The following KCNAB1 variants were observed in gnomAD, a reference collection of about 807,000 sequenced individuals.
KCNAB1 encodes the protein potassium voltage-gated channel subfamily A regulatory beta subunit 1, also known as voltage-gated potassium channel subunit beta-1.
A neutral mutation model predicts 64.6 loss-of-function variants in KCNAB1; 35 were observed. That is an observed-to-expected ratio of 0.54 (90% confidence interval 0.41 to 0.72). KCNAB1 has a LOEUF of 0.72. Among genes scored for constraint, KCNAB1 ranks in the 30% least tolerant of loss-of-function variants. The pLI is 0.00. For missense variants in KCNAB1, 401 were observed against 512.9 expected, an observed-to-expected ratio of 0.78 and a Z score of 2.11; for synonymous variants, 177 against 183.8, an observed-to-expected ratio of 0.96 and a Z score of 0.30.
At chr3:156,295,734 GATT>G (rs1487484552) in intron 1 of KCNAB1, among the ~76,000 whole-genome samples, 5 of 151,932 alleles carry the variant, frequency 3.3e-5, no homozygotes, top group South Asian at 4.2e-4. Context: ...TTCCAATACA[GATT>G]ATTTGTATAT....
chr3:156,523,921 G>A lies in KCNAB1; in HGVS notation c.1055G>A (p.Gly352Glu). Residue 352 changes from glycine (G) to glutamate (E), a missense_variant, in exon 12 of 14, where the codon GGA becomes GAA. Coordinates refer to ENST00000490337, the MANE Select transcript of KCNAB1 (RefSeq NM_172160.3). ...KDLSPIAERL[G>E]CTLPQLAVAW... ...CTTTCCCCAATTGCGGAGCGTCTGG[G>A]ATGCACACTACCTCAGCTAGCTGTT... is the stretch of plus-strand genomic sequence containing the variant. The A allele has an allele frequency of 6.2e-7, 1 of 1,614,054 alleles. No homozygotes were observed. The highest frequency in any genetic ancestry group is 1.7e-5 in the Admixed American group (1 of 60,006).
At chr3:156,176,204 C>T (rs1396268843) in intron 1 of KCNAB1, 1 of 778,050 alleles carries the variant, frequency 1.3e-6, no homozygotes. Flanking sequence ...AAGGTCAGGC[C>T]AGTCACTGAA....
chr3:156,387,642 G>A (rs535619443), intron 1 of KCNAB1, among the ~76,000 whole-genome samples: 1 of 152,268 alleles, frequency 6.6e-6, no homozygotes, highest in Admixed American at 6.5e-5. Flanking sequence ...TTACTAGACA[G>A]ATCTGTATTC....
intron 1 of KCNAB1, among the ~76,000 whole-genome samples, chr3:156,149,714 T>C (rs898165471): frequency 1.3e-5 from 2 of 152,216 alleles, no homozygotes; most frequent in Non-Finnish European, 2.9e-5. Flanking sequence ...ATATAGTGGA[T>C]ACCCAGGAAA....
In KCNAB1 at chr3:156,312,383, G is replaced by A. The variant is rs1721967028; in HGVS notation, c.276-109233G>A. On this transcript the variant is annotated intron_variant, in intron 1 of 13. Transcript: ENST00000490337. ...TTCCAGTAAGAAGGAGACTTTTCAT[G>A]TGCTAAAACCAACAAAATTTCCCCA... 2.6e-5 allele frequency among the ~76,000 whole-genome samples: 4 copies of A among 152,148 alleles called. No individual in the cohort carries two copies. The South Asian group carries it at 8.3e-4, about 32-fold the overall frequency.
chr3:156,511,884 C>G (rs1299152180), intron 8 of KCNAB1, among the ~76,000 whole-genome samples: 2 of 152,140 alleles, frequency 1.3e-5, no homozygotes, highest in African/African-American at 4.8e-5. Context: ...CATCTCATAC[C>G]CCTGTCCTCC....
intron 8 of KCNAB1, among the ~76,000 whole-genome samples, chr3:156,513,512 T>C (rs1717356794): frequency 6.6e-6 from 1 of 152,188 alleles, no homozygotes; most frequent in Admixed American, 6.5e-5. Context: ...CTGACCTGCT[T>C]TGTAGAAGAA....
intron 8 of KCNAB1, among the ~76,000 whole-genome samples, chr3:156,510,849 G>A (rs974459697): frequency 6.6e-6 from 1 of 152,132 alleles, no homozygotes; most frequent in African/African-American, 2.4e-5. Flanking sequence ...CTGTGTGCCG[G>A]CTTCCCTCCT....
intron 7 of KCNAB1, among the ~76,000 whole-genome samples, chr3:156,472,604 T>A (rs1161513668): frequency 6.6e-6 from 1 of 152,198 alleles, no homozygotes; most frequent in Admixed American, 6.5e-5. Flanking sequence ...ATACTTGAAT[T>A]TCTTGCCAAA....
intron 1 of KCNAB1, among the ~76,000 whole-genome samples, chr3:156,420,452 G>C (rs1258378119): frequency 6.6e-6 from 1 of 152,130 alleles, no homozygotes; most frequent in Non-Finnish European, 1.5e-5. Context: ...ATAAGCAGAG[G>C]AAAAACATGT....
chr3:156,360,479 G>A (rs752417131), intron 1 of KCNAB1, among the ~76,000 whole-genome samples: 3 of 152,176 alleles, frequency 2.0e-5, no homozygotes, highest in Admixed American at 6.5e-5. Context: ...GAAGGCTGAG[G>A]TGGGAGGATC....
intron 2 of KCNAB1, among the ~76,000 whole-genome samples, chr3:156,428,534 C>CACACACACACACACACACA (rs3219955): frequency 1.2e-4 from 17 of 146,196 alleles, no homozygotes; most frequent in South Asian, 6.4e-4. Flanking sequence ...CACACACACA[C>CACACACACACACACACACA]CCTATTGGTT....
At chr3:156,494,357 C>T (rs1295992212) in intron 8 of KCNAB1, among the ~76,000 whole-genome samples, 1 of 152,088 alleles carries the variant, frequency 6.6e-6, no homozygotes, top group African/African-American at 2.4e-5. Flanking sequence ...AAGAGCATGG[C>T]TCTTAGGGCT....
At chr3:156,328,590 C>T (rs561168012) in intron 1 of KCNAB1, among the ~76,000 whole-genome samples, 1 of 152,222 alleles carries the variant, frequency 6.6e-6, no homozygotes, top group East Asian at 1.9e-4. Context: ...TAAGACATAA[C>T]TGTTGTTGAG....
chr3:156,318,422 C>A (rs1722438302), intron 1 of KCNAB1, among the ~76,000 whole-genome samples: 1 of 152,160 alleles, frequency 6.6e-6, no homozygotes, highest in Non-Finnish European at 1.5e-5. Context: ...CATGCCCTAT[C>A]CACAGGGAGT....
intron 2 of KCNAB1, among the ~76,000 whole-genome samples, chr3:156,449,236 A>T (rs1300015730): frequency 6.6e-6 from 1 of 152,214 alleles, no homozygotes; most frequent in African/African-American, 2.4e-5. Flanking sequence ...TTTATTTCAT[A>T]ATTCATTACT....
chr3:156,169,245 T>C (rs1711803398), intron 1 of KCNAB1, among the ~76,000 whole-genome samples: 1 of 152,194 alleles, frequency 6.6e-6, no homozygotes, highest in South Asian at 2.1e-4. Context: ...GCTCATTTAG[T>C]CTCAATATCT....
chr3:156,194,948 C>G (rs115211313), intron 1 of KCNAB1, among the ~76,000 whole-genome samples: 1 of 152,000 alleles, frequency 6.6e-6, no homozygotes, highest in Non-Finnish European at 1.5e-5. Context: ...CCCCCCACCC[C>G]CAACAGGCCC....
intron 1 of KCNAB1, among the ~76,000 whole-genome samples, chr3:156,235,052 C>T (rs1055320433): frequency 4.6e-5 from 7 of 152,184 alleles, no homozygotes; most frequent in Non-Finnish European, 1.0e-4. Context: ...GAACTGGGCT[C>T]CCTCGCTAGC....
Sources: allele counts gnomAD v4.1 joint callset (sites outside exome capture counted in the v4.1 genomes callset), GRCh38; gene constraint gnomAD v4.1.1; transcripts MANE v1.5; gene names NCBI Gene and HGNC (gene_info 2026-07-23, HGNC 2026-07-21).